Variants in PHACTR1 observed in about 807,000 individuals in gnomAD.
PHACTR1 encodes RPEL repeat containing 1.
A neutral mutation model predicts 69.2 loss-of-function variants in PHACTR1; 16 were observed. The observed-to-expected ratio is 0.23, with a 90% CI of 0.16 to 0.35. The LOEUF is 0.35. Among genes scored for constraint, PHACTR1 ranks in the 10% least tolerant of loss-of-function variants. The pLI is 1.00. For missense variants in PHACTR1, 510 were observed against 734.7 expected, an observed-to-expected ratio of 0.69 and a Z score of 3.54; for synonymous variants, 312 against 284.5, an observed-to-expected ratio of 1.10 and a Z score of -0.97.
At chr6:13,139,054 G>A (rs1821993938) in intron 5 of PHACTR1, among the ~76,000 whole-genome samples, 1 of 150,972 alleles carries the variant, frequency 6.6e-6, no homozygotes, top group South Asian at 2.1e-4. Flanking sequence ...TTACATGAAA[G>A]CCACAGTTTT....
chr6:12,948,273 A>G (rs1478842445), intron 4 of PHACTR1, among the ~76,000 whole-genome samples: 2 of 152,216 alleles, frequency 1.3e-5, no homozygotes, highest in African/African-American at 4.8e-5. Context: ...GTTTGAAACA[A>G]TCATGATCAT....
intron 4 of PHACTR1, among the ~76,000 whole-genome samples, chr6:12,974,263 A>G (rs1320010282): frequency 6.6e-6 from 1 of 151,958 alleles, no homozygotes; most frequent in African/African-American, 2.4e-5. Flanking sequence ...GTTTCCCTAT[A>G]TATTCTCATT....
intron 4 of PHACTR1, among the ~76,000 whole-genome samples, chr6:12,768,085 A>G (rs933009488): frequency 2.6e-5 from 4 of 151,486 alleles, no homozygotes; most frequent in Admixed American, 2.6e-4. Context: ...CTATGGGGAC[A>G]ATCTCTTAGA....
At chr6:12,765,643 A>G (rs945305343) in intron 4 of PHACTR1, among the ~76,000 whole-genome samples, 1 of 152,194 alleles carries the variant, frequency 6.6e-6, no homozygotes, top group African/African-American at 2.4e-5. Flanking sequence ...AGAGCTGCCT[A>G]CAAGCCCGTC....
intron 4 of PHACTR1, among the ~76,000 whole-genome samples, chr6:12,859,879 G>T (rs542736999): frequency 1.3e-5 from 2 of 152,116 alleles, no homozygotes; most frequent in Non-Finnish European, 2.9e-5. Context: ...CCTGTAAAAT[G>T]GTGCCAATAT....
chr6:12,965,324 T>C (rs1375971023), intron 4 of PHACTR1, among the ~76,000 whole-genome samples: 2 of 152,206 alleles, frequency 1.3e-5, no homozygotes, highest in African/African-American at 4.8e-5. Context: ...TTGTGGCGTT[T>C]TCACAGCCAT....
chr6:12,754,956 A>G (rs894550130), intron 4 of PHACTR1, among the ~76,000 whole-genome samples: 13 of 152,228 alleles, frequency 8.5e-5, no homozygotes, highest in Non-Finnish European at 1.9e-4. Flanking sequence ...GCATTTTGTT[A>G]TTCGCAGGGG....
chr6:12,757,725 C>T (rs920844238), intron 4 of PHACTR1, among the ~76,000 whole-genome samples: 2 of 152,096 alleles, frequency 1.3e-5, no homozygotes, highest in South Asian at 2.1e-4. Flanking sequence ...AGGGATAGAA[C>T]GATCATTTGG....
intron 4 of PHACTR1, among the ~76,000 whole-genome samples, chr6:12,936,530 T>C (rs1789469371): frequency 6.6e-6 from 1 of 152,230 alleles, no homozygotes; most frequent in South Asian, 2.1e-4. Context: ...GGTAGAATAA[T>C]TTAAGTGACT....
intron 4 of PHACTR1, among the ~76,000 whole-genome samples, chr6:12,819,042 T>A (rs1369911299): frequency 2.0e-5 from 3 of 152,210 alleles, no homozygotes; most frequent in Non-Finnish European, 4.4e-5. Flanking sequence ...TTTTGCAACT[T>A]CTCAGTCAAA....
intron 5 of PHACTR1, among the ~76,000 whole-genome samples, chr6:13,133,419 G>C (rs1048694425): frequency 2.0e-5 from 3 of 151,710 alleles, no homozygotes; most frequent in South Asian, 2.1e-4. Context: ...TCAGCCTGCC[G>C]AGTCCCTGGG....
chr6:13,049,619 C>T lies in PHACTR1; in HGVS notation c.251-3746C>T, dbSNP rs1052182632. On this transcript the variant is annotated intron_variant, in intron 4 of 14. Transcript: ENST00000332995. ...GAAGCCCACTAGGATCCAGAGATCC[C>T]GGGATGAGTGCTTCTACCAGGAGTA... Among the ~76,000 whole-genome samples, 13 of 152,266 alleles carry T rather than the reference C, an allele frequency of 8.5e-5. 1 individual carries two copies. Among genetic ancestry groups the T allele is most frequent in the African/African-American group, 1.7e-4 (7 of 41,546 alleles).
intron 4 of PHACTR1, among the ~76,000 whole-genome samples, chr6:12,953,701 C>G (rs1791551528): frequency 6.6e-6 from 1 of 152,178 alleles, no homozygotes; most frequent in Non-Finnish European, 1.5e-5. Context: ...GTGTAAAATG[C>G]TTAGCACAGT....
chr6:13,265,960 T>G (rs1776639819), intron 10 of PHACTR1, among the ~76,000 whole-genome samples: 1 of 152,194 alleles, frequency 6.6e-6, no homozygotes, highest in Admixed American at 6.5e-5. Flanking sequence ...ATCACTGGCC[T>G]AGTCCTCTCC....
chr6:13,028,105 C>T lies in PHACTR1; in HGVS notation c.251-25260C>T, dbSNP rs149264640. 5.1e-3 allele frequency among the ~76,000 whole-genome samples: 782 copies of T among 152,310 alleles called. 3 individuals carry two copies. Among genetic ancestry groups the T allele is most frequent in the Admixed American group, 0.011 (170 of 15,300 alleles). On this transcript the variant is annotated intron_variant, in intron 4 of 14. Transcript: ENST00000332995. ...AGAACAGGGTATAGATGCTTCTTTA[C>T]CCACATGCATTTTATCACACATATG...
chr6:12,727,566 G>A (rs79335726), intron 3 of PHACTR1, among the ~76,000 whole-genome samples: 4,828 of 152,154 alleles, frequency 0.032, 238 homozygotes, highest in African/African-American at 0.11. Flanking sequence ...ATGTGAAAAT[G>A]CAATGAACTA....
intron 8 of PHACTR1, among the ~76,000 whole-genome samples, chr6:13,225,051 T>C (rs1342490391): frequency 1.3e-5 from 2 of 152,180 alleles, no homozygotes; most frequent in African/African-American, 4.8e-5. Flanking sequence ...AGGCCACATA[T>C]TAACCTTCCC....
chr6:13,109,852 G>C (rs1177159881), intron 5 of PHACTR1, among the ~76,000 whole-genome samples: 1 of 148,702 alleles, frequency 6.7e-6, no homozygotes, highest in Non-Finnish European at 1.5e-5. Context: ...GTGTGTGTGT[G>C]TGTGTGTGTG....
intron 4 of PHACTR1, among the ~76,000 whole-genome samples, chr6:13,000,881 G>A (rs1798028665): frequency 1.3e-5 from 2 of 152,170 alleles, no homozygotes; most frequent in African/African-American, 4.8e-5. Flanking sequence ...TCTTCCAGTT[G>A]CAATTTAGCA....
Sources: allele counts gnomAD v4.1 joint callset (sites outside exome capture counted in the v4.1 genomes callset), GRCh38; gene constraint gnomAD v4.1.1; transcripts MANE v1.5; gene names NCBI Gene and HGNC (gene_info 2026-07-23, HGNC 2026-07-21).